COL4A6: variants seen among roughly 807,000 people sequenced by gnomAD.
COL4A6 encodes the protein collagen alpha-6(IV) chain.
Under a neutral mutation model 126.7 loss-of-function variants are expected in COL4A6, and 59 were observed. The observed-to-expected ratio is 0.47, with a 90% confidence interval of 0.38 to 0.58. The LOEUF is 0.58. Ranked by LOEUF, COL4A6 falls within the 20% of genes least tolerant of loss-of-function variation. COL4A6 has a pLI of 0.00. For missense variants in COL4A6, 1,285 were observed against 1,337.3 expected, an observed-to-expected ratio of 0.96 and a Z score of 0.61; for synonymous variants, 547 against 496.6, an observed-to-expected ratio of 1.10 and a Z score of -1.35.
intron 3 of COL4A6, 128 bp from the exon 4 acceptor site, chrX:108,221,502 C>G: frequency 6.9e-6 from 5 of 725,327 alleles, no homozygotes; most frequent in Non-Finnish European, 1.0e-5. Flanking sequence ...CTGTGAGGCA[C>G]GCCAAAGTTC....
At chrX:108,210,789 G>T (rs1349067354) in intron 7 of COL4A6, among the ~76,000 whole-genome samples, 2 of 111,401 alleles carry the variant, frequency 1.8e-5, no homozygotes, top group South Asian at 7.7e-4. Flanking sequence ...AGAATCATGA[G>T]GTCCTTTCCA....
In COL4A6 at chrX:108,174,550, T is replaced by C. The variant is rs746055831; in HGVS notation, c.3028A>G (p.Lys1010Glu). ...PGAPGLPGIIKGVSGKPGPPG... is the reference protein window; with the variant it reads ...PGAPGLPGIIEGVSGKPGPPG... ...GGCCCTGGCTTTCCACTAACTCCTT[T>C]GATAATGCCTGGGAGGCCAGGAGCT... The change falls in exon 31 of 45, where the codon AAA (lysine) becomes GAA (glutamate). Residue 1010 changes from lysine to glutamate, a missense_variant. Transcript: ENST00000334504. 8.3e-7 allele frequency: 1 copy of C among 1,206,538 alleles called. No individual in the cohort carries two copies. The highest frequency in any genetic ancestry group is 1.8e-5 in the African/African-American group (1 of 56,875).
At chrX:108,187,350 G>C (rs2034900891) in intron 22 of COL4A6, 71 bp from the exon 23 acceptor site, 11 of 862,806 alleles carry the variant, frequency 1.3e-5, no homozygotes, top group Non-Finnish European at 1.7e-5. Flanking sequence ...CTGACTACAG[G>C]AAAGAGGTAG....
chrX:108,382,005 C>A (rs2040568212), intron 2 of COL4A6, among the ~76,000 whole-genome samples: 1 of 111,414 alleles, frequency 9.0e-6, no homozygotes, highest in Non-Finnish European at 1.9e-5. Flanking sequence ...TTTTTACCCT[C>A]TTTTTTATTT....
At chrX:108,342,012 T>C (rs977027209) in intron 2 of COL4A6, among the ~76,000 whole-genome samples, 2 of 112,088 alleles carry the variant, frequency 1.8e-5, no homozygotes, top group African/African-American at 6.5e-5. Context: ...AGAAGGTTAG[T>C]TGGAAATATT....
intron 35 of COL4A6, 71 bp from the exon 36 acceptor site, chrX:108,170,087 C>T: frequency 2.2e-6 from 2 of 927,280 alleles, no homozygotes; most frequent in Non-Finnish European, 3.0e-6. Context: ...AGGTAGCTAC[C>T]TGCCCCCAAA....
intron 3 of COL4A6, among the ~76,000 whole-genome samples, chrX:108,256,487 T>C (rs185051116): frequency 1.8e-5 from 2 of 111,833 alleles, no homozygotes; most frequent in Non-Finnish European, 3.8e-5. Context: ...GTTATCTCTA[T>C]TTTATAGATG....
intron 13 of COL4A6, among the ~76,000 whole-genome samples, 172 bp downstream of exon 13, chrX:108,202,756 C>T (rs1029382708): frequency 6.3e-5 from 7 of 111,819 alleles, no homozygotes; most frequent in Non-Finnish European, 1.1e-4. Context: ...ACCATGCTTA[C>T]GTCTCCATGT....
chrX:108,376,578 T>C (rs761879087), intron 2 of COL4A6, among the ~76,000 whole-genome samples: 13 of 111,848 alleles, frequency 1.2e-4, no homozygotes, highest in Non-Finnish European at 2.1e-4. Context: ...CACTCCAGCC[T>C]GGGCAACAGG....
chrX:108,343,841 G>T (rs776639597), intron 2 of COL4A6, among the ~76,000 whole-genome samples: 4 of 108,659 alleles, frequency 3.7e-5, no homozygotes, highest in Admixed American at 2.0e-4. Context: ...GAAAGGAGGG[G>T]TGAGCGTTGG....
rs2037843389 is a variant in COL4A6 at position 108,281,894 on chromosome X, GA to G, written c.144+28853del. On this transcript the variant is annotated intron_variant, in intron 3 of 44. Transcript: ENST00000334504. ...AAACCTGAGAAAAAGAAGCAATGGG[GA>G]AAGGATTCCCTATTTAATAAATGGT... Among the ~76,000 whole-genome samples, 3 of 110,763 alleles carry G rather than the reference GA, an allele frequency of 2.7e-5. No individual in the cohort carries two copies. In the South Asian group the frequency reaches 1.2e-3, roughly 43 times the overall value.
intron 3 of COL4A6, among the ~76,000 whole-genome samples, chrX:108,240,999 T>C (rs947037133): frequency 9.0e-6 from 1 of 110,718 alleles, no homozygotes; most frequent in African/African-American, 3.3e-5. Context: ...TGGGGGCATA[T>C]AGGAAATTTT....
At chrX:108,205,841 CT>C in intron 9 of COL4A6, 146 bp from the exon 10 acceptor site, 1 of 482,885 alleles carries the variant, frequency 2.1e-6, no homozygotes. Flanking sequence ...CTATGGTTCC[CT>C]TTTATCTCCT....
intron 3 of COL4A6, among the ~76,000 whole-genome samples, chrX:108,245,690 G>GAT (rs2036701204): frequency 1.8e-5 from 2 of 111,740 alleles, no homozygotes; most frequent in Non-Finnish European, 3.8e-5. Flanking sequence ...TGTCCTCAAA[G>GAT]GGTGCATATT....
intron 2 of COL4A6, among the ~76,000 whole-genome samples, chrX:108,393,925 G>T (rs2040895421): frequency 9.0e-6 from 1 of 111,533 alleles, no homozygotes; most frequent in African/African-American, 3.3e-5. Flanking sequence ...CCATTATTGG[G>T]TATGTACCCA....
intron 3 of COL4A6, among the ~76,000 whole-genome samples, chrX:108,286,673 G>T (rs2038013884): frequency 9.0e-6 from 1 of 111,532 alleles, no homozygotes; most frequent in Non-Finnish European, 1.9e-5. Context: ...CTGGGCTCAA[G>T]TGATCCTCCA....
chrX:108,192,778 T>C (rs747160325), intron 17 of COL4A6, among the ~76,000 whole-genome samples, 198 bp from the exon 18 acceptor site: 1 of 112,541 alleles, frequency 8.9e-6, no homozygotes, highest in African/African-American at 3.2e-5. Flanking sequence ...AAAATTAGTG[T>C]ACTAAGAATT....
intron 2 of COL4A6, among the ~76,000 whole-genome samples, chrX:108,368,716 T>C (rs1253691183): frequency 8.9e-6 from 1 of 112,239 alleles, no homozygotes; most frequent in Non-Finnish European, 1.9e-5. Context: ...TATTATTCTA[T>C]AAGTTTTTTT....
chrX:108,200,325 A>G (rs1277342799), intron 13 of COL4A6, among the ~76,000 whole-genome samples: 2 of 112,488 alleles, frequency 1.8e-5, no homozygotes, highest in African/African-American at 6.5e-5. Flanking sequence ...ATTTCTTTTC[A>G]TACTACGTTT....
Sources: gnomAD v4.1 joint callset for allele counts (sites outside exome capture counted in the v4.1 genomes callset) on GRCh38, gnomAD v4.1.1 for gene constraint, MANE v1.5 for transcripts, NCBI Gene and HGNC (gene_info 2026-07-23, HGNC 2026-07-21) for gene names.